Variants in TCF7L2 observed in about 807,000 individuals in gnomAD.
TCF7L2 encodes the protein transcription factor 7 like 2.
Under a neutral mutation model 77.9 loss-of-function variants are expected in TCF7L2, and 23 were observed. The ratio of observed to expected loss-of-function variants is 0.30; its 90% CI spans 0.21 to 0.42. The LOEUF (loss-of-function observed/expected upper bound fraction) is 0.42, where lower values mean the gene tolerates loss of function less well. Ranked by LOEUF, TCF7L2 falls within the 10% of genes least tolerant of loss-of-function variation. The pLI, the probability that TCF7L2 is intolerant of heterozygous loss-of-function variation, is 1.00. For missense variants in TCF7L2, 654 were observed against 793.1 expected (o/e 0.82, Z 2.11); for synonymous variants, 413 against 340.2 (o/e 1.21, Z -2.36).
chr10:113,102,031 C>T (rs750866592), intron 5 of TCF7L2, among the ~76,000 whole-genome samples: 3 of 129,068 alleles, frequency 2.3e-5, no homozygotes, highest in South Asian at 2.8e-4. Flanking sequence ...CCCAGCTACT[C>T]GGGAGGCAGG....
At chr10:112,994,590 A>G (rs961154794) in intron 4 of TCF7L2, among the ~76,000 whole-genome samples, 1 of 152,258 alleles carries the variant, frequency 6.6e-6, no homozygotes. Flanking sequence ...CATATAATAA[A>G]TAACTGTTTA....
intron 5 of TCF7L2, among the ~76,000 whole-genome samples, chr10:113,116,079 A>T (rs145785682): frequency 3.2e-4 from 49 of 152,310 alleles, no homozygotes; most frequent in African/African-American, 1.1e-3. Flanking sequence ...AGGTAGATGT[A>T]TGTAGCTGAC....
intron 5 of TCF7L2, among the ~76,000 whole-genome samples, chr10:113,113,517 T>C (rs1453343139): frequency 1.3e-5 from 2 of 152,152 alleles, no homozygotes; most frequent in African/African-American, 4.8e-5. Flanking sequence ...AGGGGGGTTC[T>C]GTGTTGCTCG....
intron 4 of TCF7L2, among the ~76,000 whole-genome samples, chr10:113,000,241 G>A (rs1564766759): frequency 6.6e-6 from 1 of 152,186 alleles, no homozygotes; most frequent in African/African-American, 2.4e-5. Context: ...TGTGATGGGT[G>A]TAGGCACCAT....
chr10:113,063,971 A>G (rs2056892385), intron 5 of TCF7L2, among the ~76,000 whole-genome samples: 1 of 151,712 alleles, frequency 6.6e-6, no homozygotes, highest in Non-Finnish European at 1.5e-5. Flanking sequence ...AGATTCAAGG[A>G]GGTTCCTAAA....
chr10:113,145,080 A>C (rs2069088069), intron 7 of TCF7L2, among the ~76,000 whole-genome samples: 1 of 150,408 alleles, frequency 6.6e-6, no homozygotes, highest in East Asian at 2.0e-4. Context: ...CCACAATTCT[A>C]CCCGTATTTC....
intron 4 of TCF7L2, among the ~76,000 whole-genome samples, chr10:113,012,641 C>T (rs890840963): frequency 5.3e-5 from 8 of 152,150 alleles, no homozygotes; most frequent in Non-Finnish European, 8.8e-5. Flanking sequence ...GAGTAAGGAG[C>T]TGCAGGAAGG....
At chr10:112,970,941 A>G (rs2038107128) in intron 4 of TCF7L2, among the ~76,000 whole-genome samples, 1 of 152,206 alleles carries the variant, frequency 6.6e-6, no homozygotes, top group African/African-American at 2.4e-5. Flanking sequence ...ATGAAGAATT[A>G]GAGAGAGATC....
At chr10:112,984,974 C>T (rs973040100) in intron 4 of TCF7L2, among the ~76,000 whole-genome samples, 2 of 152,188 alleles carry the variant, frequency 1.3e-5, no homozygotes, top group Non-Finnish European at 2.9e-5. Flanking sequence ...CTCAAGTCAG[C>T]AGTGTCCGTT....
At chr10:113,068,931 A>G (rs2057602290) in intron 5 of TCF7L2, among the ~76,000 whole-genome samples, 1 of 151,154 alleles carries the variant, frequency 6.6e-6, no homozygotes, top group African/African-American at 2.4e-5. Flanking sequence ...AATTAAAACA[A>G]CAACCACCAC....
chr10:113,086,541 T>G (rs1353762604), intron 5 of TCF7L2, among the ~76,000 whole-genome samples: 1 of 152,238 alleles, frequency 6.6e-6, no homozygotes. Context: ...GAGCTTGGAC[T>G]GTGTAAACTT....
chr10:113,153,771 C>T (rs538823618), intron 11 of TCF7L2, among the ~76,000 whole-genome samples: 2 of 152,258 alleles, frequency 1.3e-5, no homozygotes, highest in Admixed American at 6.5e-5. Context: ...GATATCTTTA[C>T]TCCCTCAGAA....
rs2137151717 is a variant in TCF7L2 at position 113,151,732 on chromosome 10, C to G, written c.1009C>G (p.Gln337Glu). The change falls in exon 10 of 14, where the codon CAG becomes GAG. Residue 337 changes from glutamine (Q) to glutamate (E), a missense_variant. Physicochemically the swap from Gln to Glu is conservative, Grantham distance 29 (BLOSUM62 2). Around this residue, in one of 6 missense-constraint regions of TCF7L2, gnomAD observed 179 missense variants for 270.6 expected, o/e 0.66. Coordinates refer to ENST00000627217, the MANE Select transcript of TCF7L2 (RefSeq NM_001146274.2). This position sits in a 1 kb window ranked among gnomAD's most constrained non-coding sequence, Gnocchi z 5.2. The stretch of plus-strand genomic sequence containing the variant: ...TGTTTTGTCTATCTCCAGAAAGCAT[C>G]AGGACTCCAAAAAGGAAGAAGAAAA... 6.3e-7 allele frequency: 1 copy of G among 1,596,600 alleles called. No individual in the cohort carries two copies. Among genetic ancestry groups the G allele is most frequent in the Non-Finnish European group, 8.5e-7 (1 of 1,174,980 alleles).
In TCF7L2 at chr10:113,165,647, C is replaced by T. The variant is rs77673441; in HGVS notation, c.1484C>T (p.Pro495Leu). The change falls in exon 14 of 14, where the codon CCC (proline) becomes CTC (leucine). Residue 495 changes from proline to leucine, a missense_variant. Pro to Leu is a moderately conservative substitution (Grantham distance 98). Transcript: ENST00000627217. ...GGAAGCTTACTAGATTCGCCTCCCC[C>T]CTCCCCGAACCTGCTAGGCTCCCCT... 25 of 1,612,088 alleles carry T rather than the reference C, an allele frequency of 1.6e-5. No individual in the cohort carries two copies. Among genetic ancestry groups the T allele is most frequent in the Middle Eastern group, 1.6e-4 (1 of 6,068 alleles).
At chr10:113,149,633 A>C (rs1027375141) in intron 8 of TCF7L2, among the ~76,000 whole-genome samples, 1 of 152,260 alleles carries the variant, frequency 6.6e-6, no homozygotes, top group African/African-American at 2.4e-5. Context: ...TTGTAAATAC[A>C]TACAGAATCA....
chr10:113,162,727 T>C (rs2073366593), intron 13 of TCF7L2, among the ~76,000 whole-genome samples: 1 of 152,194 alleles, frequency 6.6e-6, no homozygotes, highest in South Asian at 2.1e-4. Flanking sequence ...TTTTTCTTTG[T>C]TGGTGACTTT....
intron 5 of TCF7L2, among the ~76,000 whole-genome samples, chr10:113,074,013 C>G (rs2058417043): frequency 6.6e-6 from 1 of 152,176 alleles, no homozygotes; most frequent in African/African-American, 2.4e-5. Context: ...GCTGTTGACT[C>G]TGGTGTCGGC....
intron 3 of TCF7L2, among the ~76,000 whole-genome samples, chr10:112,956,401 C>G (rs1480168272): frequency 1.4e-5 from 2 of 139,044 alleles, no homozygotes; most frequent in African/African-American, 5.6e-5. Flanking sequence ...TAAGCACTTT[C>G]CAGGGAAGTA....
At chr10:113,008,148 C>T (rs898407376) in intron 4 of TCF7L2, among the ~76,000 whole-genome samples, 1 of 152,220 alleles carries the variant, frequency 6.6e-6, no homozygotes, top group Admixed American at 6.5e-5. Context: ...TTAACATTTT[C>T]TGCAATGCTC....
Sources: gnomAD v4.1 joint callset for allele counts (sites outside exome capture counted in the v4.1 genomes callset) on GRCh38, gnomAD v4.1.1 for gene constraint, gnomAD v4.1.1 regional missense constraint, Gnocchi (gnomAD v3.1) non-coding constraint, MANE v1.5 for transcripts, NCBI Gene and HGNC (gene_info 2026-07-23, HGNC 2026-07-21) for gene names.